The following PCDHGB3 variants were observed in gnomAD, a reference collection of about 807,000 sequenced individuals.
The protein encoded by PCDHGB3 is protocadherin gamma-B3.
In PCDHGB3, 40 loss-of-function variants were observed where a neutral mutation model predicts 59.2. That is an observed-to-expected ratio of 0.68 (90% CI 0.52 to 0.88). The LOEUF (loss-of-function observed/expected upper bound fraction) is 0.88, where lower values mean the gene tolerates loss of function less well. Ranked by LOEUF, PCDHGB3 falls within the 40% of genes least tolerant of loss-of-function variation. PCDHGB3 has a pLI of 0.00. For synonymous variants in PCDHGB3, 581 were observed against 503.6 expected, an observed-to-expected ratio of 1.15 and a Z score of -2.06; for missense variants, 1,309 against 1,187.9, an observed-to-expected ratio of 1.10 and a Z score of -1.50.
At chr5:141,507,865 T>C (rs2099864402) in intron 3 of PCDHGB3, among the ~76,000 whole-genome samples, 1 of 152,128 alleles carries the variant, frequency 6.6e-6, no homozygotes. Context: ...CACACCCGCT[T>C]CCTAGCCCTG....
At chr5:141,414,762 T>G in intron 1 of PCDHGB3, 1 of 1,614,210 alleles carries the variant, frequency 6.2e-7, no homozygotes. Context: ...ATGAGCAGTT[T>G]CATGAGCTAC....
intron 2 of PCDHGB3, among the ~76,000 whole-genome samples, chr5:141,501,334 C>T (rs1462003251): frequency 6.9e-6 from 1 of 145,376 alleles, no homozygotes; most frequent in Non-Finnish European, 1.5e-5. Context: ...CACACACACA[C>T]CCCAAACTCA....
At position 141,477,493 on chromosome 5, in the gene PCDHGB3, A is replaced by G. The variant is rs2154575835; in HGVS notation, c.2416-17314A>G. ...ATGACAACCCTCCACAATCTTCTCA[A>G]TCTTCCTACGACGTTTACATTGAAG... On this transcript the variant is annotated intron_variant, in intron 1 of 3. Transcript: ENST00000576222. This position sits in a 1 kb window ranked among gnomAD's most constrained non-coding sequence, Gnocchi z 4.9. 6.2e-7 allele frequency: 1 copy of G among 1,613,976 alleles called. No individual in the cohort carries two copies. The highest frequency in any genetic ancestry group is 1.6e-4 in the Middle Eastern group (1 of 6,062).
At chr5:141,443,499 A>T (rs533910381) in intron 1 of PCDHGB3, among the ~76,000 whole-genome samples, 1 of 152,268 alleles carries the variant, frequency 6.6e-6, no homozygotes, top group African/African-American at 2.4e-5. Context: ...ACAAACAAAC[A>T]AATAAAGAGC....
Position 141,511,225 on chromosome 5 carries a change from C to T in PCDHGB3, c.*52C>T, listed in dbSNP as rs2099883678. On this transcript the variant is annotated 3_prime_UTR_variant, in exon 4 of 4. Transcript: ENST00000576222. Reference sequence around the variant, plus strand: ...GGCGGCCTCTCCCCAACCAGCCCAGCTTCTCCTTACCTGCACCCAGGCCTC... The same window carrying T: ...GGCGGCCTCTCCCCAACCAGCCCAGTTTCTCCTTACCTGCACCCAGGCCTC... 1.9e-6 allele frequency: 3 copies of T among 1,601,506 alleles called. No individual in the cohort carries two copies. Among genetic ancestry groups the T allele is most frequent in the Non-Finnish European group, 2.6e-6 (3 of 1,174,170 alleles).
At chr5:141,412,936 A>T in intron 1 of PCDHGB3, 1 of 459,508 alleles carries the variant, frequency 2.2e-6, no homozygotes, top group African/African-American at 2.0e-5. Flanking sequence ...ACTTCTTAGG[A>T]CTCTGAGCGC....
chr5:141,493,330 A>G lies in PCDHGB3; in HGVS notation c.2416-1477A>G, dbSNP rs979607147. 6.6e-6 allele frequency among the ~76,000 whole-genome samples: 1 copy of G among 152,182 alleles called. No homozygotes were observed. Among genetic ancestry groups the G allele is most frequent in the Non-Finnish European group, 1.5e-5 (1 of 68,020 alleles). On this transcript the variant is annotated intron_variant, in intron 1 of 3. Coordinates refer to ENST00000576222, the MANE Select transcript of PCDHGB3 (RefSeq NM_018924.5). The surrounding 1 kb of genome is among the most constrained non-coding windows in gnomAD (Gnocchi z 4.3). ...GTAAGAGAGATTCTAACCCCTGTCT[A>G]ACTCCAGAATGTGTGCTTTTAATTT... is the stretch of plus-strand genomic sequence containing the variant.
intron 1 of PCDHGB3, chr5:141,418,503 T>G (rs2096264259): frequency 6.2e-7 from 1 of 1,613,828 alleles, no homozygotes. Flanking sequence ...CTGACCGCCT[T>G]AGATGGTGGG....
chr5:141,389,464 A>G (rs1277929756), intron 1 of PCDHGB3: 1 of 1,613,306 alleles, frequency 6.2e-7, no homozygotes, highest in Admixed American at 1.7e-5. Flanking sequence ...CGCGCCTTCG[A>G]ACTCACACTG....
At position 141,421,448 on chromosome 5, in the gene PCDHGB3, A is replaced by G. The variant is rs772957069; in HGVS notation, c.2415+48639A>G. On this transcript the variant is annotated intron_variant, in intron 1 of 3. Coordinates refer to ENST00000576222, the MANE Select transcript of PCDHGB3 (RefSeq NM_018924.5). ...CGCATCGTCTCCAGAGGGAAGACAC[A>G]GCTTTTCGCTGTGAATCCGCGAAGC... The G allele has an allele frequency of 7.8e-5, 126 of 1,614,014 alleles. No individual in the cohort carries two copies. The highest frequency in any genetic ancestry group is 1.0e-4 in the Non-Finnish European group (119 of 1,179,944).
intron 1 of PCDHGB3, among the ~76,000 whole-genome samples, chr5:141,436,839 A>G (rs1247924864): frequency 6.6e-6 from 1 of 152,260 alleles, no homozygotes; most frequent in African/African-American, 2.4e-5. Flanking sequence ...GTGCCTAGGC[A>G]CATTCTTGAT....
intron 1 of PCDHGB3, chr5:141,415,772 T>TTA: frequency 7.5e-7 from 1 of 1,332,978 alleles, no homozygotes; most frequent in Non-Finnish European, 9.6e-7. Flanking sequence ...TTTTTTTTTT[T>TTA]ACTTTCTGGT....
At chr5:141,383,767 A>G (rs1779455066) in intron 1 of PCDHGB3, 2 of 1,613,886 alleles carry the variant, frequency 1.2e-6, no homozygotes, top group South Asian at 2.2e-5. Flanking sequence ...TAAACTTCCA[A>G]AGATGTTTCA....
chr5:141,501,164 G>C (rs991995325), intron 2 of PCDHGB3, among the ~76,000 whole-genome samples: 32 of 152,144 alleles, frequency 2.1e-4, no homozygotes, highest in African/African-American at 7.7e-4. Context: ...ACCATCCCCA[G>C]CCTCATTTAC....
At chr5:141,399,728 G>A in intron 1 of PCDHGB3, 1 of 1,613,276 alleles carries the variant, frequency 6.2e-7, no homozygotes, top group East Asian at 2.2e-5. Flanking sequence ...CGCGACCAGG[G>A]CTCGCCTGCG....
chr5:141,441,867 G>T, intron 1 of PCDHGB3: 1 of 345,800 alleles, frequency 2.9e-6, no homozygotes, highest in Non-Finnish European at 5.6e-6. Flanking sequence ...ACGCCGCGGA[G>T]CCTGGCTACC....
chr5:141,399,660 C>A lies in PCDHGB3; in HGVS notation c.2415+26851C>A, dbSNP rs988885728. 11 of 1,613,536 alleles carry A rather than the reference C, an allele frequency of 6.8e-6. No individual in the cohort carries two copies. The highest frequency in any genetic ancestry group is 9.3e-6 in the Non-Finnish European group (11 of 1,179,888). ...TGAGCGCGCAAAGTGGGGTGGTGTT[C>A]GCGCAGCGCGCCTTTGACTACGAGC... is the stretch of plus-strand genomic sequence containing the variant. On this transcript the variant is annotated intron_variant, in intron 1 of 3. Coordinates refer to ENST00000576222, the MANE Select transcript of PCDHGB3 (RefSeq NM_018924.5).
At chr5:141,388,360 A>C in intron 1 of PCDHGB3, 1 of 1,613,996 alleles carries the variant, frequency 6.2e-7, no homozygotes, top group South Asian at 1.1e-5. Context: ...TCTGCCCATG[A>C]TGCGGATATT....
At chr5:141,510,579 C>T (rs2099881748) in intron 3 of PCDHGB3, among the ~76,000 whole-genome samples, 1 of 152,170 alleles carries the variant, frequency 6.6e-6, no homozygotes, top group Non-Finnish European at 1.5e-5. Flanking sequence ...CACTATTTTA[C>T]GTACCTGACA....
Sources: gnomAD v4.1 joint callset for allele counts (sites outside exome capture counted in the v4.1 genomes callset) on GRCh38, gnomAD v4.1.1 for gene constraint, Gnocchi (gnomAD v3.1) non-coding constraint, MANE v1.5 for transcripts, NCBI Gene and HGNC (gene_info 2026-07-23, HGNC 2026-07-21) for gene names.